The following SESN3 variants were observed in gnomAD, a reference collection of about 807,000 sequenced individuals.
The protein encoded by SESN3 is sestrin 3.
In SESN3, 21 loss-of-function variants were observed where a neutral mutation model predicts 55.3. The observed-to-expected ratio is 0.38, with a 90% confidence interval of 0.27 to 0.55. SESN3 has a LOEUF of 0.55. SESN3 is among the 20% of genes least tolerant of loss of function. The pLI, the probability that SESN3 is intolerant of heterozygous loss-of-function variation, is 0.76. For missense variants in SESN3, 408 were observed against 604.3 expected (o/e 0.68, Z 3.41); for synonymous variants, 181 against 203.1 (o/e 0.89, Z 0.93).
chr11:95,195,300 T>C (rs1292300938), intron 1 of SESN3, among the ~76,000 whole-genome samples: 1 of 152,188 alleles, frequency 6.6e-6, no homozygotes, highest in Non-Finnish European at 1.5e-5. Flanking sequence ...AGGTGAGATT[T>C]AAATCTGAAA....
chr11:95,168,125 C>A lies in SESN3; in HGVS notation c.*5130G>T, dbSNP rs1279506350. On this transcript the variant is annotated 3_prime_UTR_variant, in exon 10 of 10. Transcript: ENST00000536441. ...CATAGGACCATCTAAATACCCTTTGCCATATGTCATTCTATTAGAAATGTG... is the reference window on the plus strand; with the variant it reads ...CATAGGACCATCTAAATACCCTTTGACATATGTCATTCTATTAGAAATGTG... 1 of 152,098 alleles carries A rather than the reference C, an allele frequency of 6.6e-6. No individual in the cohort carries two copies. The highest frequency in any genetic ancestry group is 1.5e-5 in the Non-Finnish European group (1 of 68,002). The allele number at this position is 152,098 out of a possible 1,614,324, so 9.4% of individuals were successfully genotyped here.
At position 95,186,194 on chromosome 11, in the gene SESN3, CTGTGTGTGTG is replaced by C. The variant is rs35466696; in HGVS notation, c.526-712_526-703del. 2.5e-3 allele frequency among the ~76,000 whole-genome samples: 265 copies of C among 107,634 alleles called. 3 individuals carry two copies. The highest frequency in any genetic ancestry group is 0.019 in the Middle Eastern group (4 of 208). The allele number at this position is 107,634 out of a possible 152,430, so 70.6% of individuals were successfully genotyped here. A position where few individuals can be genotyped will look rare whatever the true frequency, so the allele number is the denominator to read the frequency against. ...TCCCTTTCTCTCTCTCTATCTCTCA[CTGTGTGTGTG>C]TGTGTGTGTGTGTGTGTGTGTGTGT... is the stretch of plus-strand genomic sequence containing the variant. On this transcript the variant is annotated intron_variant, in intron 4 of 9. Transcript: ENST00000536441.
chr11:95,166,846 A>C lies in SESN3; in HGVS notation c.*6409T>G, dbSNP rs951144279. The C allele has an allele frequency of 1.3e-5, 2 of 152,186 alleles. No homozygotes were observed. The highest frequency in any genetic ancestry group is 2.4e-5 in the African/African-American group (1 of 41,436). 9.4% of individuals were successfully genotyped at this position (152,186 alleles called of 1,614,324 possible). The stretch of plus-strand genomic sequence containing the variant: ...ATGTGAAGAGAAAGAGGAAGGGGAA[A>C]CTGTATTTTCTCTCCAGAGAAGACT... On this transcript the variant is annotated 3_prime_UTR_variant, in exon 10 of 10. Transcript: ENST00000536441.
At chr11:95,195,062 A>C (rs367938125) in intron 1 of SESN3, among the ~76,000 whole-genome samples, 1 of 152,184 alleles carries the variant, frequency 6.6e-6, no homozygotes, top group East Asian at 1.9e-4. Context: ...TTGAGGAAAA[A>C]AATTTCAACA....
Position 95,173,275 on chromosome 11 carries a change from T to C in SESN3, c.1459A>G (p.Ile487Val). 1.3e-6 allele frequency: 2 copies of C among 1,579,496 alleles called. No individual in the cohort carries two copies. Among genetic ancestry groups the C allele is most frequent in the Non-Finnish European group, 1.7e-6 (2 of 1,153,396 alleles). ...ATACTTCAGGTCAAATGCCGAGTTA[T>C]GGCACGAAGAGCATAAAGAAGTTCA... ...QAELLYALRAITRHLT is the reference protein window; with the variant it reads ...QAELLYALRAVTRHLT The change falls in exon 10 of 10, where the codon ATA (isoleucine) becomes GTA (valine). Residue 487 changes from isoleucine (I) to valine (V), a missense_variant. By Grantham distance (29) the Ile-to-Val change is conservative (BLOSUM62 3). Around this residue, in one of 4 missense-constraint regions of SESN3, gnomAD observed 121 missense variants for 204.9 expected, o/e 0.59. Coordinates refer to ENST00000536441, the MANE Select transcript of SESN3 (RefSeq NM_144665.4).
At chr11:95,180,957 A>G (rs1370696374) in intron 6 of SESN3, among the ~76,000 whole-genome samples, 1 of 152,148 alleles carries the variant, frequency 6.6e-6, no homozygotes, top group Non-Finnish European at 1.5e-5. Context: ...AATAATATAA[A>G]TGAAGCAAAA....
Position 95,191,471 on chromosome 11 carries a change from C to T in SESN3, c.275G>A (p.Ser92Asn), listed in dbSNP as rs1384345368. ...ATCCATGCGCAACATGTAAAACTGG[C>T]TCCGCAAGAAAGACTCCAGGTACTG... Reference protein sequence around the residue: ...HTQYLESFLRSQFYMLRMDGP... With the variant: ...HTQYLESFLRNQFYMLRMDGP... The change falls in exon 3 of 10, where the codon AGC becomes AAC. Residue 92 changes from serine to asparagine, a missense_variant. Around this residue, in one of 4 missense-constraint regions of SESN3, gnomAD observed 107 missense variants for 211.3 expected, o/e 0.51. Coordinates refer to ENST00000536441, the MANE Select transcript of SESN3 (RefSeq NM_144665.4). The T allele has an allele frequency of 1.2e-6, 2 of 1,612,880 alleles. No homozygotes were observed. Among genetic ancestry groups the T allele is most frequent in the Non-Finnish European group, 1.7e-6 (2 of 1,179,286 alleles).
chr11:95,199,965 T>C (rs1188527187), intron 1 of SESN3, among the ~76,000 whole-genome samples: 2 of 152,040 alleles, frequency 1.3e-5, no homozygotes, highest in Non-Finnish European at 2.9e-5. Context: ...GATAATTTAA[T>C]GGTGCCAACA....
chr11:95,195,757 GACTT>G (rs1389485912), intron 1 of SESN3, among the ~76,000 whole-genome samples: 2 of 152,112 alleles, frequency 1.3e-5, no homozygotes, highest in Non-Finnish European at 2.9e-5. Context: ...CCCAGAAGTG[GACTT>G]ACTATGGTTT....
chr11:95,180,537 T>C (rs10765714), intron 6 of SESN3, among the ~76,000 whole-genome samples: 1 of 151,958 alleles, frequency 6.6e-6, no homozygotes, highest in South Asian at 2.1e-4. Flanking sequence ...GTTTACTGAG[T>C]ACTTACCATA....
chr11:95,200,320 T>G (rs1468001136), intron 1 of SESN3, among the ~76,000 whole-genome samples: 1 of 152,074 alleles, frequency 6.6e-6, no homozygotes, highest in Non-Finnish European at 1.5e-5. Context: ...GAACATAAAT[T>G]CAGTTCCCAC....
intron 1 of SESN3, among the ~76,000 whole-genome samples, chr11:95,222,615 GC>G (rs923837497): frequency 6.6e-6 from 1 of 152,106 alleles, no homozygotes; most frequent in African/African-American, 2.4e-5. Flanking sequence ...CAAATAAGAG[GC>G]AACCTAGTAG....
At position 95,178,786 on chromosome 11, in the gene SESN3, T is replaced by C; in HGVS notation, c.980A>G (p.Tyr327Cys). 1 of 1,611,678 alleles carries C rather than the reference T, an allele frequency of 6.2e-7. No individual in the cohort carries two copies. The highest frequency in any genetic ancestry group is 8.5e-7 in the Non-Finnish European group (1 of 1,177,914). Residue 327 changes from tyrosine to cysteine, a missense_variant, in exon 7 of 10, where the codon TAT (tyrosine) becomes TGT (cysteine). By Grantham distance (194) the Tyr-to-Cys change is radical. Coordinates refer to ENST00000536441, the MANE Select transcript of SESN3 (RefSeq NM_144665.4). ...ATACCCAAAACCAGGGTCTTCAATA[T>C]ATCGAGAGACATCAGATGTTATAAT... ...DMIITSDVSR[Y>C]IEDPGFGYED... is the part of the protein sequence containing the mutation.
chr11:95,183,926 C>T (rs1449504110), intron 6 of SESN3, among the ~76,000 whole-genome samples: 2 of 152,024 alleles, frequency 1.3e-5, no homozygotes, highest in East Asian at 3.8e-4. Flanking sequence ...AAGAAAATGA[C>T]CTAAATAATA....
intron 1 of SESN3, among the ~76,000 whole-genome samples, chr11:95,214,427 C>A (rs1223880934): frequency 1.3e-5 from 2 of 152,154 alleles, no homozygotes; most frequent in Non-Finnish European, 2.9e-5. Context: ...AGAACTGCAA[C>A]TAACTGAAAC....
Position 95,221,014 on chromosome 11 carries a change from G to A in SESN3, c.78+9769C>T, listed in dbSNP as rs529541147. 2.0e-5 allele frequency among the ~76,000 whole-genome samples: 3 copies of A among 152,266 alleles called. No homozygotes were observed. In the East Asian group the frequency reaches 5.8e-4, roughly 29 times the overall value. On this transcript the variant is annotated intron_variant, in intron 1 of 9. Coordinates refer to ENST00000536441, the MANE Select transcript of SESN3 (RefSeq NM_144665.4). ...ATTATAAAATGTGTTTTGAAAGTAA[G>A]AGTCACAGCCGGGCTGGGTGGCTCG...
chr11:95,216,282 A>G (rs1167614331), intron 1 of SESN3, among the ~76,000 whole-genome samples: 1 of 152,152 alleles, frequency 6.6e-6, no homozygotes, highest in African/African-American at 2.4e-5. Flanking sequence ...ATGGCCTTTT[A>G]TAGTAACAAT....
At position 95,166,992 on chromosome 11, in the gene SESN3, T is replaced by C. The variant is rs1859762054; in HGVS notation, c.*6263A>G. 6.6e-6 allele frequency: 1 copy of C among 152,220 alleles called. No individual in the cohort carries two copies. Among genetic ancestry groups the C allele is most frequent in the Non-Finnish European group, 1.5e-5 (1 of 68,034 alleles). The allele number at this position is 152,220 out of a possible 1,614,324, so 9.4% of individuals were successfully genotyped here. A position where few individuals can be genotyped will look rare whatever the true frequency, so the allele number is the denominator to read the frequency against. Reference sequence around the variant, plus strand: ...CAGCGAAATTCAGAAAGCGGAAGTCTCTCAACATTACAAAGGAAACTCCTT... The same window carrying C: ...CAGCGAAATTCAGAAAGCGGAAGTCCCTCAACATTACAAAGGAAACTCCTT... On this transcript the variant is annotated 3_prime_UTR_variant, in exon 10 of 10. Coordinates refer to ENST00000536441, the MANE Select transcript of SESN3 (RefSeq NM_144665.4).
Position 95,177,705 on chromosome 11 carries a change from T to A in SESN3, c.1247+14A>T. 1 of 1,580,524 alleles carries A rather than the reference T, an allele frequency of 6.3e-7. No individual in the cohort carries two copies. The highest frequency in any genetic ancestry group is 8.6e-7 in the Non-Finnish European group (1 of 1,166,216). On this transcript the variant is annotated intron_variant, in intron 8 of 9. Transcript: ENST00000536441. ...ACTTAGAAATGTAAAAAACTGTCTC[T>A]ACAATGAACATACCTGATTCCAAAC...
Sources: gnomAD v4.1 joint callset for allele counts (sites outside exome capture counted in the v4.1 genomes callset) on GRCh38, gnomAD v4.1.1 for gene constraint, gnomAD v4.1.1 regional missense constraint, MANE v1.5 for transcripts, NCBI Gene and HGNC (gene_info 2026-07-23, HGNC 2026-07-21) for gene names.